TMEM178B: variants seen among roughly 807,000 people sequenced by gnomAD.
TMEM178B encodes transmembrane protein 178B.
TMEM178B carries 5 observed loss-of-function variants against 31.0 expected under a neutral mutation model. That is an observed-to-expected ratio of 0.16 (90% CI 0.08 to 0.34). The LOEUF (loss-of-function observed/expected upper bound fraction) is 0.34. Among genes scored for constraint, TMEM178B ranks in the 10% least tolerant of loss-of-function variants. The pLI is 1.00. For synonymous variants in TMEM178B, 164 were observed against 164.0 expected (o/e 1.00, Z 0.00); for missense variants, 275 against 400.3 (o/e 0.69, Z 2.67).
rs1800195263 is a variant in TMEM178B, at chr7:141,375,363, G to T, written c.497-62245G>T. The stretch of plus-strand genomic sequence containing the variant: ...ATATGCCATGTGAATTGCAAAAAGT[G>T]AGTCCTTCCATTGCATCCATCTTGA... On this transcript the variant is annotated intron_variant, in intron 2 of 3. Transcript: ENST00000565468. Among the ~76,000 whole-genome samples, 3 of 152,288 alleles carry T rather than the reference G, an allele frequency of 2.0e-5. No homozygotes were observed. In the South Asian group the frequency reaches 6.2e-4, roughly 32 times the overall value.
At chr7:141,255,648 GT>G (rs5887995) in intron 2 of TMEM178B, among the ~76,000 whole-genome samples, 64,969 of 151,028 alleles carry the variant, frequency 0.43, 14,145 homozygotes, top group East Asian at 0.66. Context: ...TATTTTTCTA[GT>G]TTTTTTTTTC....
chr7:141,164,952 G>A (rs550489362), intron 1 of TMEM178B, among the ~76,000 whole-genome samples: 1 of 152,242 alleles, frequency 6.6e-6, no homozygotes, highest in South Asian at 2.1e-4. Context: ...GAAATGGGAA[G>A]GGTAGCACTT....
intron 2 of TMEM178B, among the ~76,000 whole-genome samples, chr7:141,272,541 A>G (rs1339129086): frequency 6.6e-6 from 1 of 152,246 alleles, no homozygotes; most frequent in African/African-American, 2.4e-5. Flanking sequence ...GCCAAAAAAC[A>G]AAACCTCCAT....
chr7:141,465,698 C>T (rs1381943214), intron 3 of TMEM178B, among the ~76,000 whole-genome samples: 1 of 152,128 alleles, frequency 6.6e-6, no homozygotes, highest in Non-Finnish European at 1.5e-5. Context: ...ATTTGAACTT[C>T]TATGTGGAGA....
At chr7:141,229,452 A>T (rs953013160) in intron 2 of TMEM178B, among the ~76,000 whole-genome samples, 1 of 152,006 alleles carries the variant, frequency 6.6e-6, no homozygotes, top group Non-Finnish European at 1.5e-5. Context: ...CAGGGGAAAC[A>T]TCCTTTTCTT....
chr7:141,090,998 T>C (rs1794871426), intron 1 of TMEM178B, among the ~76,000 whole-genome samples: 1 of 152,244 alleles, frequency 6.6e-6, no homozygotes, highest in South Asian at 2.1e-4. Context: ...ATTATTTTGC[T>C]TTTAGCAGAT....
At chr7:141,347,867 G>A (rs552672562) in intron 2 of TMEM178B, among the ~76,000 whole-genome samples, 11 of 152,264 alleles carry the variant, frequency 7.2e-5, no homozygotes, top group Non-Finnish European at 7.4e-5. Flanking sequence ...TAATGAATGC[G>A]ACCTCAGGAC....
intron 1 of TMEM178B, among the ~76,000 whole-genome samples, chr7:141,150,588 T>G (rs1795956331): frequency 6.6e-6 from 1 of 152,238 alleles, no homozygotes; most frequent in African/African-American, 2.4e-5. Flanking sequence ...CTTCTGCCTT[T>G]GGCTTCTTGG....
At chr7:141,497,518 T>A in the TMEM178B span, among the ~76,000 whole-genome samples, 2 of 152,236 alleles carry the variant, frequency 1.3e-5, no homozygotes, top group Non-Finnish European at 2.9e-5. Flanking sequence ...TAATATAGAC[T>A]GTAGCCTAGT....
intron 2 of TMEM178B, among the ~76,000 whole-genome samples, chr7:141,322,863 C>G (rs1799125149): frequency 6.6e-6 from 1 of 152,140 alleles, no homozygotes; most frequent in Admixed American, 6.6e-5. Flanking sequence ...CCTAAACCCC[C>G]CTGCCCCATT....
intron 2 of TMEM178B, among the ~76,000 whole-genome samples, chr7:141,276,002 G>A (rs1423420211): frequency 6.6e-6 from 1 of 152,176 alleles, no homozygotes; most frequent in Non-Finnish European, 1.5e-5. Context: ...TTTATAGAGG[G>A]AATCCCATTT....
intron 2 of TMEM178B, among the ~76,000 whole-genome samples, chr7:141,229,620 A>T (rs775215335): frequency 6.6e-6 from 1 of 152,182 alleles, no homozygotes. Context: ...TTGAAATGCT[A>T]TAATCAATAG....
At chr7:141,284,178 G>A (rs1442568200) in intron 2 of TMEM178B, among the ~76,000 whole-genome samples, 1 of 152,202 alleles carries the variant, frequency 6.6e-6, no homozygotes, top group African/African-American at 2.4e-5. Context: ...GAGCTTAGCT[G>A]TTGGTAGTCA....
chr7:141,081,206 A>G (rs1794677241), intron 1 of TMEM178B, among the ~76,000 whole-genome samples: 1 of 152,182 alleles, frequency 6.6e-6, no homozygotes, highest in East Asian at 1.9e-4. Context: ...GGTGGAAGAC[A>G]GCGAGATTGA....
intron 2 of TMEM178B, among the ~76,000 whole-genome samples, chr7:141,388,703 C>T (rs571784907): frequency 6.6e-6 from 1 of 152,304 alleles, no homozygotes; most frequent in East Asian, 1.9e-4. Flanking sequence ...AAGTGGTGAG[C>T]ACTGGCTTTC....
intron 2 of TMEM178B, among the ~76,000 whole-genome samples, chr7:141,299,320 G>T (rs1198579239): frequency 1.3e-5 from 2 of 152,110 alleles, no homozygotes; most frequent in African/African-American, 4.8e-5. Context: ...GGGATTATAG[G>T]CATGCGCCAC....
chr7:141,321,254 A>G (rs746352818), intron 2 of TMEM178B, among the ~76,000 whole-genome samples: 2 of 152,264 alleles, frequency 1.3e-5, no homozygotes, highest in Non-Finnish European at 2.9e-5. Context: ...GCCATGCTTT[A>G]GGATTTAACA....
intron 2 of TMEM178B, among the ~76,000 whole-genome samples, chr7:141,250,885 C>A (rs1797820942): frequency 6.6e-6 from 1 of 152,142 alleles, no homozygotes; most frequent in South Asian, 2.1e-4. Context: ...TTTCTGAAAG[C>A]ATTTAGGTCC....
At chr7:141,089,605 T>C (rs909724995) in intron 1 of TMEM178B, among the ~76,000 whole-genome samples, 2 of 152,212 alleles carry the variant, frequency 1.3e-5, no homozygotes, top group South Asian at 2.1e-4. Flanking sequence ...GACTTGGAAC[T>C]AACCCAAATG....
Sources: gnomAD v4.1 joint callset for allele counts (sites outside exome capture counted in the v4.1 genomes callset) on GRCh38, gnomAD v4.1.1 for gene constraint, MANE v1.5 for transcripts, NCBI Gene and HGNC (gene_info 2026-07-23, HGNC 2026-07-21) for gene names.